Variants in DLG2 observed in about 807,000 individuals in gnomAD.
DLG2 encodes the protein discs large MAGUK scaffold protein 2.
A neutral mutation model predicts 132.5 loss-of-function variants in DLG2; 45 were observed. The observed-to-expected ratio is 0.34, with a 90% confidence interval of 0.27 to 0.44. The LOEUF (loss-of-function observed/expected upper bound fraction) is 0.44. Ranked by LOEUF, DLG2 falls within the 20% of genes least tolerant of loss-of-function variation. DLG2 has a pLI of 1.00. For synonymous variants in DLG2, 424 were observed against 419.6 expected (o/e 1.01, Z -0.13); for missense variants, 1,045 against 1,196.9 (o/e 0.87, Z 1.87).
At chr11:84,070,718 T>C (rs1026865202) in intron 10 of DLG2, among the ~76,000 whole-genome samples, 1 of 152,230 alleles carries the variant, frequency 6.6e-6, no homozygotes, top group African/African-American at 2.4e-5. Context: ...ATAAGCTAGA[T>C]ATGAATTCTA....
intron 3 of DLG2, among the ~76,000 whole-genome samples, chr11:85,511,113 A>G (rs1281805632): frequency 6.6e-6 from 1 of 152,110 alleles, no homozygotes; most frequent in Non-Finnish European, 1.5e-5. Flanking sequence ...TCAGCAAACT[A>G]TCGCAAGGAC....
chr11:85,039,600 T>C (rs2061681452), intron 6 of DLG2, among the ~76,000 whole-genome samples: 1 of 151,946 alleles, frequency 6.6e-6, no homozygotes, highest in African/African-American at 2.4e-5. Flanking sequence ...GTCCTAAGCA[T>C]GGTTTCTGCA....
intron 4 of DLG2, among the ~76,000 whole-genome samples, chr11:85,265,215 T>TGG (rs2077145800): frequency 6.6e-6 from 1 of 152,214 alleles, no homozygotes; most frequent in African/African-American, 2.4e-5. Flanking sequence ...ACTGAATATC[T>TGG]GCATGACCCC....
intron 6 of DLG2, among the ~76,000 whole-genome samples, chr11:84,716,807 T>C (rs763091832): frequency 2.0e-5 from 3 of 151,902 alleles, no homozygotes; most frequent in Non-Finnish European, 4.4e-5. Context: ...TAAGGTTAGA[T>C]GGGACTGTAG....
chr11:84,941,067 T>C (rs2049356994), intron 6 of DLG2, among the ~76,000 whole-genome samples: 1 of 152,232 alleles, frequency 6.6e-6, no homozygotes, highest in African/African-American at 2.4e-5. Flanking sequence ...GGGTTTTCTA[T>C]TATGTTCCAT....
chr11:84,108,265 T>C (rs1045943612), intron 9 of DLG2, among the ~76,000 whole-genome samples: 3 of 152,042 alleles, frequency 2.0e-5, no homozygotes, highest in Admixed American at 6.6e-5. Context: ...CACTCAGTGT[T>C]AGTCATGTGA....
chr11:85,049,899 C>T (rs114038696), intron 6 of DLG2, among the ~76,000 whole-genome samples: 38 of 152,122 alleles, frequency 2.5e-4, no homozygotes, highest in African/African-American at 8.9e-4. Context: ...CATTAATTCG[C>T]TAATATCTAA....
intron 9 of DLG2, among the ~76,000 whole-genome samples, chr11:84,154,146 C>T (rs573563900): frequency 2.4e-4 from 36 of 152,178 alleles, no homozygotes; most frequent in South Asian, 1.2e-3. Context: ...TACAGGCACA[C>T]GCCAACATGC....
At chr11:85,438,782 G>C (rs182364288) in intron 3 of DLG2, among the ~76,000 whole-genome samples, 194 of 152,184 alleles carry the variant, frequency 1.3e-3, no homozygotes, top group Middle Eastern at 6.8e-3. Flanking sequence ...TCAAGATACT[G>C]AACAGCTGAA....
chr11:84,549,335 T>G (rs2099397021), intron 6 of DLG2, among the ~76,000 whole-genome samples: 1 of 152,228 alleles, frequency 6.6e-6, no homozygotes, highest in Non-Finnish European at 1.5e-5. Flanking sequence ...TGGATTCTAT[T>G]GAGCACTGTA....
chr11:85,462,197 TTGG>T (rs1430090223), intron 3 of DLG2, among the ~76,000 whole-genome samples: 7 of 152,246 alleles, frequency 4.6e-5, no homozygotes, highest in African/African-American at 1.7e-4. Context: ...TTCTACACTG[TTGG>T]TGGGACGGTA....
intron 19 of DLG2, among the ~76,000 whole-genome samples, chr11:83,569,507 G>A (rs1163949377): frequency 6.6e-6 from 1 of 152,082 alleles, no homozygotes; most frequent in African/African-American, 2.4e-5. Flanking sequence ...TACAGATGAG[G>A]AAATTGCAGA....
At chr11:85,183,728 C>T (rs1051379804) in intron 4 of DLG2, among the ~76,000 whole-genome samples, 5 of 151,880 alleles carry the variant, frequency 3.3e-5, no homozygotes, top group African/African-American at 1.2e-4. Flanking sequence ...TCCAAATTAG[C>T]CATGCTCCTA....
intron 6 of DLG2, among the ~76,000 whole-genome samples, chr11:84,705,675 C>T (rs79623203): frequency 0.033 from 5,065 of 151,726 alleles, 309 homozygotes; most frequent in African/African-American, 0.11. Flanking sequence ...GGTGACCAAG[C>T]GATTCATTTA....
chr11:84,393,037 A>T (rs1379143596), intron 7 of DLG2, among the ~76,000 whole-genome samples: 1 of 152,206 alleles, frequency 6.6e-6, no homozygotes, highest in Non-Finnish European at 1.5e-5. Flanking sequence ...GCATAAGGTG[A>T]CATTAAATTT....
chr11:85,499,126 C>CA (rs1443632476), intron 3 of DLG2, among the ~76,000 whole-genome samples: 2 of 151,790 alleles, frequency 1.3e-5, no homozygotes, highest in Non-Finnish European at 2.9e-5. Flanking sequence ...AGTAGAGAAA[C>CA]AAAAAACCCC....
chr11:84,747,301 A>G (rs1357146136), intron 6 of DLG2, among the ~76,000 whole-genome samples: 2 of 152,214 alleles, frequency 1.3e-5, no homozygotes, highest in East Asian at 1.9e-4. Flanking sequence ...AATTATATAC[A>G]TATTCATACA....
chr11:83,894,109 C>T (rs1047411054), intron 15 of DLG2, among the ~76,000 whole-genome samples: 2 of 152,150 alleles, frequency 1.3e-5, no homozygotes, highest in African/African-American at 4.8e-5. Flanking sequence ...TCACTTTACT[C>T]AGTCGTCTAC....
rs1215213187 is a variant in DLG2 at position 83,825,132 on chromosome 11, TAC to T, written c.1722+8480_1722+8481del. Reference sequence around the variant, plus strand: ...AGACATATATATACACATATATATATACACACACACACACACACACATATATA... The same window carrying T: ...AGACATATATATACACATATATATATACACACACACACACACACATATATA... On this transcript the variant is annotated intron_variant, in intron 17 of 27. Coordinates refer to ENST00000376104, the MANE Select transcript of DLG2 (RefSeq NM_001142699.3). Among the ~76,000 whole-genome samples, 6 of 127,602 alleles carry T rather than the reference TAC, an allele frequency of 4.7e-5. No homozygotes were observed. In the East Asian group the frequency reaches 8.8e-4, roughly 19 times the overall value. The allele number at this position is 127,602 out of a possible 152,430, so 83.7% of individuals were successfully genotyped here.
Sources: gnomAD v4.1 joint callset for allele counts (sites outside exome capture counted in the v4.1 genomes callset) on GRCh38, gnomAD v4.1.1 for gene constraint, MANE v1.5 for transcripts, NCBI Gene and HGNC (gene_info 2026-07-23, HGNC 2026-07-21) for gene names.